TMEM132B: variants seen among roughly 807,000 people sequenced by gnomAD.
TMEM132B encodes the protein transmembrane protein 132B.
A neutral mutation model predicts 90.8 loss-of-function variants in TMEM132B; 18 were observed. The ratio of observed to expected loss-of-function variants is 0.20; its 90% CI spans 0.14 to 0.29. The LOEUF (loss-of-function observed/expected upper bound fraction) is 0.29, where lower values mean the gene tolerates loss of function less well. Ranked by LOEUF, TMEM132B falls within the 10% of genes least tolerant of loss-of-function variation. TMEM132B has a pLI of 1.00. For missense variants in TMEM132B, 1,096 were observed against 1,326.8 expected (o/e 0.83, Z 2.70); for synonymous variants, 504 against 523.3 (o/e 0.96, Z 0.50).
chr12:125,388,340 A>C (rs2136297454), intron 2 of TMEM132B, among the ~76,000 whole-genome samples: 1 of 152,228 alleles, frequency 6.6e-6, no homozygotes, highest in South Asian at 2.1e-4. Context: ...GAGGCAGGAG[A>C]ATTGCTTGAA....
intron 5 of TMEM132B, 106 bp from the exon 6 acceptor site, chr12:125,643,970 T>C (rs571635568): frequency 3.5e-5 from 34 of 963,344 alleles, no homozygotes; most frequent in Middle Eastern, 5.2e-4. Flanking sequence ...GTTGTTTTGG[T>C]GTCTAATAAA....
chr12:125,222,389 C>T (rs1873579030), intron 1 of TMEM132B, among the ~76,000 whole-genome samples: 1 of 152,088 alleles, frequency 6.6e-6, no homozygotes, highest in South Asian at 2.1e-4. Flanking sequence ...TGGGTCAGCA[C>T]CAGAAATGTA....
chr12:125,433,028 ATCT>A (rs1220024584), intron 3 of TMEM132B, among the ~76,000 whole-genome samples: 31 of 152,350 alleles, frequency 2.0e-4, no homozygotes, highest in African/African-American at 7.5e-4. Flanking sequence ...CAGCACCTGC[ATCT>A]TACTTTAAGC....
chr12:125,570,468 T>C (rs80008949), intron 4 of TMEM132B, among the ~76,000 whole-genome samples: 2,480 of 152,340 alleles, frequency 0.016, 67 homozygotes, highest in African/African-American at 0.056. Context: ...GCTTCTTCCA[T>C]CTGTTGTCAC....
intron 5 of TMEM132B, among the ~76,000 whole-genome samples, chr12:125,605,542 A>G (rs1885673163): frequency 6.6e-6 from 1 of 152,214 alleles, no homozygotes; most frequent in Non-Finnish European, 1.5e-5. Context: ...GTGAGGTTCT[A>G]GCACTGTCAG....
At chr12:125,496,634 G>A (rs2136583448) in intron 3 of TMEM132B, among the ~76,000 whole-genome samples, 1 of 152,286 alleles carries the variant, frequency 6.6e-6, no homozygotes, top group Admixed American at 6.5e-5. Flanking sequence ...GCTAGACCTA[G>A]GGCTTGATGT....
At chr12:125,367,264 T>G (rs977699961) in intron 2 of TMEM132B, among the ~76,000 whole-genome samples, 2 of 152,240 alleles carry the variant, frequency 1.3e-5, no homozygotes, top group Non-Finnish European at 1.5e-5. Flanking sequence ...TTATGAATGC[T>G]AAGTTGTGAA....
intron 1 of TMEM132B, among the ~76,000 whole-genome samples, chr12:125,265,974 A>T (rs898779398): frequency 6.6e-6 from 1 of 152,146 alleles, no homozygotes; most frequent in South Asian, 2.1e-4. Context: ...CACGCCTGTA[A>T]TCCCAGCACT....
intron 5 of TMEM132B, among the ~76,000 whole-genome samples, chr12:125,597,342 T>C (rs1384958617): frequency 6.6e-6 from 1 of 152,214 alleles, no homozygotes; most frequent in East Asian, 1.9e-4. Flanking sequence ...ATTTTCGTGC[T>C]GTGTTACATA....
intron 5 of TMEM132B, among the ~76,000 whole-genome samples, chr12:125,601,520 C>T (rs1885570857): frequency 6.6e-6 from 1 of 152,084 alleles, no homozygotes; most frequent in Admixed American, 6.5e-5. Context: ...CTAGAAAGAT[C>T]TCAAATCAAC....
At chr12:125,370,343 A>T (rs1370614122) in intron 2 of TMEM132B, among the ~76,000 whole-genome samples, 1 of 152,208 alleles carries the variant, frequency 6.6e-6, no homozygotes, top group Non-Finnish European at 1.5e-5. Context: ...TAGTCATCAC[A>T]TCTATATTTC....
chr12:125,451,630 G>GT (rs34121565), intron 3 of TMEM132B, among the ~76,000 whole-genome samples: 13,582 of 145,172 alleles, frequency 0.094, 618 homozygotes, highest in Non-Finnish European at 0.11. Flanking sequence ...GTGGTCTACT[G>GT]TTTTTTTTTT....
At chr12:125,286,695 G>C (rs1460219735) in intron 1 of TMEM132B, among the ~76,000 whole-genome samples, 1 of 151,988 alleles carries the variant, frequency 6.6e-6, no homozygotes, top group African/African-American at 2.4e-5. Flanking sequence ...TGAGGCTCTA[G>C]GAGAGAATTC....
At chr12:125,364,351 G>A (rs908144763) in intron 2 of TMEM132B, among the ~76,000 whole-genome samples, 1 of 152,022 alleles carries the variant, frequency 6.6e-6, no homozygotes, top group Non-Finnish European at 1.5e-5. Context: ...GAAATGTATT[G>A]TGAGAATCCA....
intron 2 of TMEM132B, 125 bp downstream of exon 2, chr12:125,350,468 A>G: frequency 8.6e-7 from 1 of 1,157,980 alleles, no homozygotes; most frequent in South Asian, 1.5e-5. Context: ...GCTGGTCATT[A>G]AAGTGGTGAA....
At chr12:125,381,479 G>A (rs942545490) in intron 2 of TMEM132B, among the ~76,000 whole-genome samples, 1 of 152,212 alleles carries the variant, frequency 6.6e-6, no homozygotes, top group Admixed American at 6.5e-5. Context: ...AGGCTAAAGA[G>A]TTTATCTATT....
intron 4 of TMEM132B, among the ~76,000 whole-genome samples, chr12:125,545,102 A>T (rs1465692275): frequency 6.6e-6 from 1 of 152,160 alleles, no homozygotes; most frequent in Non-Finnish European, 1.5e-5. Context: ...CCATAATCAC[A>T]AGGGGAGGAG....
At chr12:125,524,219 A>G (rs1020956984) in intron 4 of TMEM132B, among the ~76,000 whole-genome samples, 2 of 152,264 alleles carry the variant, frequency 1.3e-5, no homozygotes, top group African/African-American at 4.8e-5. Flanking sequence ...GCCATAAAAA[A>G]TATGAACATG....
intron 1 of TMEM132B, among the ~76,000 whole-genome samples, chr12:125,314,174 C>T (rs1438736542): frequency 2.0e-5 from 3 of 152,142 alleles, no homozygotes; most frequent in African/African-American, 7.2e-5. Context: ...AAGTCTTGCT[C>T]CAATTCGAGG....
Sources: allele counts gnomAD v4.1 joint callset (sites outside exome capture counted in the v4.1 genomes callset), GRCh38; gene constraint gnomAD v4.1.1; transcripts MANE v1.5; gene names NCBI Gene and HGNC (gene_info 2026-07-23, HGNC 2026-07-21).